The following ABLIM1 variants were observed in gnomAD, a reference collection of about 807,000 sequenced individuals.
The protein encoded by ABLIM1 is actin binding LIM protein 1, also known as actin-binding LIM protein 1.
ABLIM1 carries 40 observed loss-of-function variants against 107.0 expected under a neutral mutation model. That is an observed-to-expected ratio of 0.37 (90% CI 0.29 to 0.49). The LOEUF is 0.49. ABLIM1 is among the 20% of genes least tolerant of loss of function. ABLIM1 has a pLI of 0.97. For synonymous variants in ABLIM1, 357 were observed against 357.3 expected (o/e 1.00, Z 0.01); for missense variants, 857 against 1,008.5 (o/e 0.85, Z 2.04).
chr10:114,641,884 T>C (rs1471033617), intron 1 of ABLIM1, among the ~76,000 whole-genome samples: 1 of 151,762 alleles, frequency 6.6e-6, no homozygotes, highest in African/African-American at 2.4e-5. Context: ...CTAAGTTGTT[T>C]TGTTTTGTTT....
At chr10:114,706,927 A>G (rs372158088) in intron 1 of ABLIM1, among the ~76,000 whole-genome samples, 11 of 152,160 alleles carry the variant, frequency 7.2e-5, no homozygotes, top group Non-Finnish European at 1.2e-4. Flanking sequence ...ACTTACAGGG[A>G]GCCTGGAAGG....
intron 1 of ABLIM1, among the ~76,000 whole-genome samples, chr10:114,652,556 C>G (rs2079300940): frequency 6.6e-6 from 1 of 152,160 alleles, no homozygotes; most frequent in African/African-American, 2.4e-5. Context: ...AACCACCTTT[C>G]TCTCTTCTGG....
At chr10:114,578,146 T>C (rs1168655088) in intron 2 of ABLIM1, among the ~76,000 whole-genome samples, 1 of 152,088 alleles carries the variant, frequency 6.6e-6, no homozygotes, top group Admixed American at 6.6e-5. Flanking sequence ...CAACTATAAC[T>C]TTATGCGAGG....
chr10:114,545,930 C>CA (rs369045013), intron 5 of ABLIM1, among the ~76,000 whole-genome samples: 40,947 of 111,492 alleles, frequency 0.37, 9,569 homozygotes, highest in African/African-American at 0.68. Context: ...GACCCCATCT[C>CA]AAAAAAAAAA....
chr10:114,568,600 A>G (rs1304161999), intron 4 of ABLIM1, among the ~76,000 whole-genome samples: 2 of 152,222 alleles, frequency 1.3e-5, no homozygotes, highest in Non-Finnish European at 2.9e-5. Flanking sequence ...GCAAGTGTGT[A>G]TCTATATAAA....
Position 114,536,224 on chromosome 10 carries a change from T to TTTCTTTTTTTC in ABLIM1, c.894+8780_894+8781insGAAAAAAAGAA. ...TTGTGACTGTCTTTTTCCTTCTTTC[T>TTTCTTTTTTTC]TTGTTTTTTTTTTTTTTTTTTTTTT... On this transcript the variant is annotated intron_variant, in intron 6 of 22. Coordinates refer to ENST00000533213, the MANE Select transcript of ABLIM1 (RefSeq NM_002313.7). Among the ~76,000 whole-genome samples, 2 of 80,542 alleles carry TTTCTTTTTTTC rather than the reference T, an allele frequency of 2.5e-5. 1 individual carries two copies. Among genetic ancestry groups the TTTCTTTTTTTC allele is most frequent in the African/African-American group, 1.1e-4 (2 of 18,182 alleles). 52.8% of individuals were successfully genotyped at this position (80,542 alleles called of 152,430 possible).
rs7096046 is a variant in ABLIM1, at chr10:114,509,904, G to A, written c.895-18026C>T. 9.4e-3 allele frequency among the ~76,000 whole-genome samples: 1,435 copies of A among 152,276 alleles called. 24 individuals are homozygous for A. The highest frequency in any genetic ancestry group is 0.034 in the African/African-American group (1,392 of 41,546). On this transcript the variant is annotated intron_variant, in intron 6 of 22. Coordinates refer to ENST00000533213, the MANE Select transcript of ABLIM1 (RefSeq NM_002313.7). ...CACGGGGAGGCCTCACAATCATGGC[G>A]GAAGATGAAGAAAGAGCAAAGGGAC...
chr10:114,675,051 C>T (rs4751639), intron 1 of ABLIM1, among the ~76,000 whole-genome samples: 80,070 of 151,786 alleles, frequency 0.53, 21,199 homozygotes, highest in East Asian at 0.66. Context: ...CAAATGCTCC[C>T]TATGTCCTGA....
At chr10:114,529,984 G>A (rs2065275140) in intron 6 of ABLIM1, among the ~76,000 whole-genome samples, 1 of 152,120 alleles carries the variant, frequency 6.6e-6, no homozygotes, top group African/African-American at 2.4e-5. Context: ...CTGAGATCGT[G>A]CCATTGCACT....
At position 114,475,415 on chromosome 10, in the gene ABLIM1, ATATT is replaced by A. The variant is rs550522731; in HGVS notation, c.1042-1463_1042-1460del. On this transcript the variant is annotated intron_variant, in intron 8 of 22. Transcript: ENST00000533213. ...CTTCATGAGTAAAATGTGTAATTAT[ATATT>A]TATTGTTTTCCTTGCATCGTGTCTG... Among the ~76,000 whole-genome samples, 595 of 152,196 alleles carry A rather than the reference ATATT, an allele frequency of 3.9e-3. 3 individuals are homozygous for A. The highest frequency in any genetic ancestry group is 6.8e-3 in the Middle Eastern group (2 of 294).
chr10:114,532,003 C>T (rs1048319225), intron 6 of ABLIM1, among the ~76,000 whole-genome samples: 4 of 152,186 alleles, frequency 2.6e-5, no homozygotes, highest in South Asian at 2.1e-4. Context: ...TTAGTAGATA[C>T]GGGGTTTCAT....
intron 10 of ABLIM1, among the ~76,000 whole-genome samples, chr10:114,472,716 C>A (rs2066830628): frequency 6.6e-6 from 1 of 151,842 alleles, no homozygotes; most frequent in African/African-American, 2.4e-5. Flanking sequence ...ATCCCCACCC[C>A]CTCCCCACCT....
Position 114,433,157 on chromosome 10 carries a change from A to G in ABLIM1, c.*3103T>C, listed in dbSNP as rs2059027855. 1 of 152,178 alleles carries G rather than the reference A, an allele frequency of 6.6e-6. No homozygotes were observed. Among genetic ancestry groups the G allele is most frequent in the African/African-American group, 2.4e-5 (1 of 41,430 alleles). The allele number at this position is 152,178 out of a possible 1,614,324, so 9.4% of individuals were successfully genotyped here. ...ACCAGGGAAGCCTGCCATATATACA[A>G]TCCCCTTCCTAGGGTGAACAAGCTC... On this transcript the variant is annotated 3_prime_UTR_variant, in exon 23 of 23. Coordinates refer to ENST00000533213, the MANE Select transcript of ABLIM1 (RefSeq NM_002313.7).
At chr10:114,602,949 T>C (rs1192168861) in intron 1 of ABLIM1, among the ~76,000 whole-genome samples, 4 of 152,218 alleles carry the variant, frequency 2.6e-5, no homozygotes, top group Non-Finnish European at 5.9e-5. Flanking sequence ...TCATTTAACT[T>C]GCAGTTTCTC....
At position 114,445,368 on chromosome 10, in the gene ABLIM1, C is replaced by T. The variant is rs143187148; in HGVS notation, c.1771G>A (p.Glu591Lys). The T allele has an allele frequency of 1.4e-5, 22 of 1,612,850 alleles. No individual in the cohort carries two copies. The highest frequency in any genetic ancestry group is 1.9e-5 in the Non-Finnish European group (22 of 1,179,436). ...CGTCTCAGAAGTTCCTCATCATCTT[C>T]CTCTCTGCCACTAGATCTGCGTTTC... ...DMKRRSSGRE[E>K]DDEELLRRRQ... Residue 591 changes from glutamate to lysine, a missense_variant, in exon 16 of 23, where the codon GAA becomes AAA. Physicochemically the swap from Glu to Lys is moderately conservative, Grantham distance 56. Transcript: ENST00000533213.
At chr10:114,513,963 T>A (rs1393536942) in intron 6 of ABLIM1, among the ~76,000 whole-genome samples, 2 of 152,152 alleles carry the variant, frequency 1.3e-5, no homozygotes, top group Non-Finnish European at 2.9e-5. Context: ...ACACCATCAC[T>A]CAATGACTAT....
intron 8 of ABLIM1, among the ~76,000 whole-genome samples, chr10:114,476,563 G>C (rs781049188): frequency 2.0e-5 from 3 of 151,810 alleles, no homozygotes; most frequent in Non-Finnish European, 2.9e-5. Flanking sequence ...AGAATCGCTT[G>C]AACTTGGGAG....
intron 1 of ABLIM1, among the ~76,000 whole-genome samples, chr10:114,672,835 C>T (rs530305382): frequency 5.9e-5 from 9 of 152,260 alleles, no homozygotes; most frequent in East Asian, 3.9e-4. Context: ...ATAGATATCT[C>T]GTGCTCCAGC....
chr10:114,437,324 T>TTC (rs199569905), intron 22 of ABLIM1, among the ~76,000 whole-genome samples: 7,065 of 149,478 alleles, frequency 0.047, 583 homozygotes, highest in African/African-American at 0.17. Context: ...TTTCTTTCTT[T>TTC]TTTTTTTTTT....
Sources: gnomAD v4.1 joint callset for allele counts (sites outside exome capture counted in the v4.1 genomes callset) on GRCh38, gnomAD v4.1.1 for gene constraint, MANE v1.5 for transcripts, NCBI Gene and HGNC (gene_info 2026-07-23, HGNC 2026-07-21) for gene names.